Variants in SHISAL2A observed in about 807,000 individuals in gnomAD.
The protein encoded by SHISAL2A is shisa like 2A.
In SHISAL2A, 18 loss-of-function variants were observed where a neutral mutation model predicts 11.5. The ratio of observed to expected loss-of-function variants is 1.57; its 90% CI spans 1.08 to 2.33. The LOEUF is 2.33. Among genes scored for constraint, SHISAL2A ranks in the 30% most tolerant of loss-of-function variants. The probability of loss-of-function intolerance (pLI) is 0.00; values close to 1 mark genes in which losing one functional copy is unlikely to be tolerated. For synonymous variants in SHISAL2A, 94 were observed against 99.6 expected, an observed-to-expected ratio of 0.94 and a Z score of 0.34; for missense variants, 261 against 250.9, an observed-to-expected ratio of 1.04 and a Z score of -0.27.
At chr1:52,660,844 A>G (rs544299430), downstream of SHISAL2A, among the ~76,000 whole-genome samples, 6 of 152,258 alleles carry the variant, frequency 3.9e-5, no homozygotes, top group East Asian at 1.2e-3. Context: ...TGAGGTCCCG[A>G]TCCCTATCTT....
intron 2 of SHISAL2A, among the ~76,000 whole-genome samples, chr1:52,653,353 G>T (rs1691715043): frequency 6.6e-6 from 1 of 150,776 alleles, no homozygotes; most frequent in Admixed American, 6.6e-5. Flanking sequence ...CCCAGCTACT[G>T]GGAGGCTGAG....
In SHISAL2A at chr1:52,667,256, A is replaced by G. The variant is rs1395263161; in HGVS notation, n.696-143A>G. On this transcript the variant is annotated intron_variant and non_coding_transcript_variant, in intron 4 of 5. Coordinates refer to the SHISAL2A transcript ENST00000401050. Reference sequence around the variant, plus strand: ...ATGGGTACACGAACACCTACCTTGCAGGAATGGAAGAAGTAAATGGGCGTA... The same window carrying G: ...ATGGGTACACGAACACCTACCTTGCGGGAATGGAAGAAGTAAATGGGCGTA... 3 of 215,024 alleles carry G rather than the reference A, an allele frequency of 1.4e-5. No homozygotes were observed. In the East Asian group the frequency reaches 5.5e-4, roughly 40 times the overall value. 13.3% of individuals were successfully genotyped at this position (215,024 alleles called of 1,614,324 possible).
intron 1 of SHISAL2A, among the ~76,000 whole-genome samples, chr1:52,637,800 C>T (rs1691270143): frequency 6.6e-6 from 1 of 152,180 alleles, no homozygotes. Context: ...ACTCCAAAGC[C>T]CTTGGTTGTT....
chr1:52,663,764 A>G (rs955423364), intron 4 of SHISAL2A, among the ~76,000 whole-genome samples: 2 of 152,238 alleles, frequency 1.3e-5, no homozygotes, highest in African/African-American at 4.8e-5. Context: ...TGCGTCTAAA[A>G]AAAAAGAAAA....
chr1:52,649,815 C>T (rs546309642), intron 2 of SHISAL2A, among the ~76,000 whole-genome samples: 117 of 152,260 alleles, frequency 7.7e-4, no homozygotes, highest in African/African-American at 2.7e-3. Context: ...GATACTAAAA[C>T]ATTGGGGGGA....
chr1:52,666,209 T>C (rs1397069452), intron 4 of SHISAL2A, among the ~76,000 whole-genome samples: 2 of 152,122 alleles, frequency 1.3e-5, no homozygotes, highest in African/African-American at 2.4e-5. Flanking sequence ...CCTAACACTT[T>C]GGACGACTGA....
chr1:52,666,313 G>A (rs796804940), intron 4 of SHISAL2A, among the ~76,000 whole-genome samples: 8 of 152,088 alleles, frequency 5.3e-5, no homozygotes, highest in East Asian at 1.9e-4. Context: ...TTAGCTGGGC[G>A]TGGTGGCAGG....
chr1:52,643,853 A>C (rs1417644273), intron 2 of SHISAL2A, among the ~76,000 whole-genome samples: 1 of 61,510 alleles, frequency 1.6e-5, no homozygotes, highest in African/African-American at 5.3e-5. Context: ...ACTGTCTCAG[A>C]AAGAAAGAAA....
At chr1:52,641,518 A>G (rs546214149) in intron 1 of SHISAL2A, among the ~76,000 whole-genome samples, 1 of 152,322 alleles carries the variant, frequency 6.6e-6, no homozygotes, top group South Asian at 2.1e-4. Context: ...CCTTCAGACC[A>G]GGTGACCAAG....
At chr1:52,641,093 C>T (rs558362576) in intron 1 of SHISAL2A, among the ~76,000 whole-genome samples, 22 of 152,304 alleles carry the variant, frequency 1.4e-4, no homozygotes, top group African/African-American at 4.8e-4. Flanking sequence ...GGAAGCTCCA[C>T]GCCCCTCCCT....
At chr1:52,648,177 A>T (rs1038008964) in intron 2 of SHISAL2A, among the ~76,000 whole-genome samples, 51 of 150,290 alleles carry the variant, frequency 3.4e-4, no homozygotes, top group African/African-American at 1.2e-3. Context: ...TTTTATATAT[A>T]TACCCTGTTA....
intron 1 of SHISAL2A, 96 bp from the exon 2 acceptor site, chr1:52,642,767 A>G (rs1293081070): frequency 1.6e-6 from 2 of 1,256,394 alleles, no homozygotes; most frequent in Non-Finnish European, 2.3e-6. Context: ...TTTTCTTCCC[A>G]GCAGGCTCAT....
chr1:52,666,228 G>GA (rs1224537130), intron 4 of SHISAL2A, among the ~76,000 whole-genome samples: 7 of 152,130 alleles, frequency 4.6e-5, no homozygotes, highest in Admixed American at 1.3e-4. Context: ...GAGACGGGGG[G>GA]ATCACTTGAG....
chr1:52,634,134 ATT>A (rs1691192119), intron 1 of SHISAL2A, among the ~76,000 whole-genome samples: 1 of 151,980 alleles, frequency 6.6e-6, no homozygotes, highest in African/African-American at 2.4e-5. Context: ...CCCAGACCTT[ATT>A]CTATCACCAG....
chr1:52,665,666 C>T (rs1691997527), intron 4 of SHISAL2A, among the ~76,000 whole-genome samples: 1 of 152,178 alleles, frequency 6.6e-6, no homozygotes, highest in Non-Finnish European at 1.5e-5. Flanking sequence ...TATTGGGGCC[C>T]AGAGGAGGCC....
At chr1:52,641,079 A>C (rs1287483631) in intron 1 of SHISAL2A, among the ~76,000 whole-genome samples, 2 of 152,218 alleles carry the variant, frequency 1.3e-5, no homozygotes, top group Non-Finnish European at 2.9e-5. Context: ...ATTGGAGACC[A>C]GATGGAAGCT....
intron 2 of SHISAL2A, among the ~76,000 whole-genome samples, chr1:52,644,155 G>A (rs1691438820): frequency 6.6e-6 from 1 of 152,180 alleles, no homozygotes; most frequent in Non-Finnish European, 1.5e-5. Flanking sequence ...ACCATACTGG[G>A]TATGTGCAAG....
chr1:52,656,715 C>T, intron 2 of SHISAL2A, 75 bp from the exon 3 acceptor site: 1 of 1,508,514 alleles, frequency 6.6e-7, no homozygotes, highest in Non-Finnish European at 8.9e-7. Flanking sequence ...AGGTAAGCAC[C>T]AGAGAAGTCA....
chr1:52,640,314 G>C (rs781158519), intron 1 of SHISAL2A, among the ~76,000 whole-genome samples: 2 of 152,158 alleles, frequency 1.3e-5, no homozygotes, highest in African/African-American at 2.4e-5. Context: ...AGGAGAGCTA[G>C]AGAAGAAAGG....
Sources: gnomAD v4.1 joint callset for allele counts (sites outside exome capture counted in the v4.1 genomes callset) on GRCh38, gnomAD v4.1.1 for gene constraint, MANE v1.5 for transcripts, NCBI Gene and HGNC (gene_info 2026-07-23, HGNC 2026-07-21) for gene names.